TBC1D22A: variants seen among roughly 807,000 people sequenced by gnomAD.
The protein encoded by TBC1D22A is putative GTPase activator.
TBC1D22A carries 38 observed loss-of-function variants against 60.2 expected under a neutral mutation model. That is an observed-to-expected ratio of 0.63 (90% confidence interval 0.49 to 0.83). The LOEUF (loss-of-function observed/expected upper bound fraction) is 0.83, where lower values mean the gene tolerates loss of function less well. Among genes scored for constraint, TBC1D22A ranks in the 40% least tolerant of loss-of-function variants. TBC1D22A has a pLI of 0.00. For missense variants in TBC1D22A, 628 were observed against 701.0 expected (o/e 0.90, Z 1.18); for synonymous variants, 302 against 281.7 (o/e 1.07, Z -0.72).
At chr22:47,169,574 GCCTTTACAAAGGGC>G (rs573728239) in intron 12 of TBC1D22A, among the ~76,000 whole-genome samples, 1 of 152,332 alleles carries the variant, frequency 6.6e-6, no homozygotes, top group Non-Finnish European at 1.5e-5. Flanking sequence ...AGACCCCACA[GCCTTTACAAAGGGC>G]CCTTGCAGAC....
intron 8 of TBC1D22A, among the ~76,000 whole-genome samples, chr22:46,953,119 T>G (rs191506478): frequency 3.3e-4 from 50 of 150,780 alleles, no homozygotes; most frequent in Non-Finnish European, 6.2e-4. Context: ...TGTTCAGAAA[T>G]TATTTGGAAT....
At chr22:47,088,331 C>T (rs1262240586) in intron 11 of TBC1D22A, among the ~76,000 whole-genome samples, 2 of 152,062 alleles carry the variant, frequency 1.3e-5, no homozygotes, top group Non-Finnish European at 2.9e-5. Context: ...TCTAGTCGTA[C>T]AGAAAGCAAG....
At chr22:47,064,533 A>G (rs572179270) in intron 11 of TBC1D22A, among the ~76,000 whole-genome samples, 1 of 152,348 alleles carries the variant, frequency 6.6e-6, no homozygotes, top group African/African-American at 2.4e-5. Flanking sequence ...TCCTTTTCTT[A>G]CTGCTGCGAA....
intron 12 of TBC1D22A, among the ~76,000 whole-genome samples, chr22:47,143,481 G>A (rs1479726367): frequency 6.6e-6 from 1 of 152,242 alleles, no homozygotes; most frequent in African/African-American, 2.4e-5. Flanking sequence ...GAATAAGTGT[G>A]AGTTTAGAAT....
At chr22:47,099,822 C>T (rs1445591247) in intron 11 of TBC1D22A, among the ~76,000 whole-genome samples, 1 of 152,208 alleles carries the variant, frequency 6.6e-6, no homozygotes, top group African/African-American at 2.4e-5. Flanking sequence ...TGTTCCACAC[C>T]ACCCTCCAGG....
intron 7 of TBC1D22A, among the ~76,000 whole-genome samples, chr22:46,904,912 C>T (rs375892828): frequency 4.0e-5 from 6 of 150,588 alleles, no homozygotes; most frequent in African/African-American, 1.5e-4. Flanking sequence ...GTAGCTGGGA[C>T]TACAGGCGCC....
chr22:46,950,630 T>A (rs1383345525), intron 8 of TBC1D22A, among the ~76,000 whole-genome samples: 1 of 152,180 alleles, frequency 6.6e-6, no homozygotes, highest in African/African-American at 2.4e-5. Flanking sequence ...GACATGGCGA[T>A]GTCTCATCAG....
intron 4 of TBC1D22A, among the ~76,000 whole-genome samples, chr22:46,819,207 A>G (rs1192338164): frequency 6.6e-6 from 1 of 152,104 alleles, no homozygotes; most frequent in East Asian, 1.9e-4. Context: ...CTCTCTTCCT[A>G]TTTGAATACC....
At chr22:47,087,700 C>A (rs185007991) in intron 11 of TBC1D22A, among the ~76,000 whole-genome samples, 3 of 152,036 alleles carry the variant, frequency 2.0e-5, no homozygotes, top group African/African-American at 7.3e-5. Context: ...AGAGGAACCA[C>A]AAATTCTAAC....
intron 8 of TBC1D22A, among the ~76,000 whole-genome samples, chr22:46,941,219 ACACACACACACACACACAGT>A (rs899974807): frequency 6.0e-5 from 8 of 134,078 alleles, no homozygotes; most frequent in African/African-American, 2.0e-4. Flanking sequence ...ACACACACAC[ACACACACACACACACACAGT>A]CCACCCTTGA....
At chr22:46,860,595 A>C (rs1468941744) in intron 4 of TBC1D22A, among the ~76,000 whole-genome samples, 15 of 131,504 alleles carry the variant, frequency 1.1e-4, no homozygotes, top group Admixed American at 2.3e-4. Context: ...CCTTCCCGGG[A>C]CCAGAATCCT....
chr22:47,137,946 G>T (rs1031320687), intron 12 of TBC1D22A, among the ~76,000 whole-genome samples: 27 of 152,128 alleles, frequency 1.8e-4, no homozygotes, highest in African/African-American at 5.3e-4. Context: ...CCTCTTCAGG[G>T]CTCAGCATCT....
At chr22:47,012,399 A>C (rs1369939489) in intron 10 of TBC1D22A, among the ~76,000 whole-genome samples, 1 of 152,124 alleles carries the variant, frequency 6.6e-6, no homozygotes, top group Non-Finnish European at 1.5e-5. Context: ...CCCGTCCTGA[A>C]CCTGCCAGGC....
intron 10 of TBC1D22A, among the ~76,000 whole-genome samples, chr22:47,036,414 C>T (rs886733440): frequency 3.9e-5 from 6 of 152,206 alleles, no homozygotes. Flanking sequence ...GGCTGCAAAG[C>T]TGCCGCCCAC....
At chr22:46,874,130 C>T (rs989839215) in intron 4 of TBC1D22A, among the ~76,000 whole-genome samples, 1 of 152,072 alleles carries the variant, frequency 6.6e-6, no homozygotes, top group Non-Finnish European at 1.5e-5. Flanking sequence ...CTTTTTATGG[C>T]TGCATAGTAT....
intron 4 of TBC1D22A, among the ~76,000 whole-genome samples, chr22:46,850,354 G>A (rs918280563): frequency 1.3e-5 from 2 of 152,168 alleles, no homozygotes; most frequent in Admixed American, 1.3e-4. Context: ...GCGCATGTGT[G>A]CATTAGAAAT....
At chr22:46,904,115 CTATCTATCTAT>C (rs2069225393) in intron 7 of TBC1D22A, among the ~76,000 whole-genome samples, 3 of 74,558 alleles carry the variant, frequency 4.0e-5, no homozygotes, top group African/African-American at 1.7e-4. Context: ...ATCTATCTAT[CTATCTATCTAT>C]CTATCTATCT....
At chr22:47,124,965 G>A (rs757188788) in intron 12 of TBC1D22A, among the ~76,000 whole-genome samples, 18 of 152,096 alleles carry the variant, frequency 1.2e-4, no homozygotes, top group Non-Finnish European at 2.2e-4. Flanking sequence ...CTGAAGGAGC[G>A]TGGGTGGGAC....
At position 46,797,573 on chromosome 22, in the gene TBC1D22A, G is replaced by T; in HGVS notation, c.590G>T (p.Arg197Leu). ...SSALSEREAS[R>L]LDKFKQLLAG... ...GCGCTGAGCGAAAGAGAGGCCTCCC[G>T]GCTCGACAAGTTCAAGCAGCTGCTT... is the stretch of plus-strand genomic sequence containing the variant. Residue 197 changes from arginine (R) to leucine (L), a missense_variant, in exon 4 of 13, where the codon CGG (arginine) becomes CTG (leucine). Coordinates refer to ENST00000337137, the MANE Select transcript of TBC1D22A (RefSeq NM_014346.5). 1.9e-6 allele frequency: 3 copies of T among 1,613,016 alleles called. No individual in the cohort carries two copies. Among genetic ancestry groups the T allele is most frequent in the Non-Finnish European group, 2.5e-6 (3 of 1,179,292 alleles).
Sources: gnomAD v4.1 joint callset for allele counts (sites outside exome capture counted in the v4.1 genomes callset) on GRCh38, gnomAD v4.1.1 for gene constraint, MANE v1.5 for transcripts, NCBI Gene and HGNC (gene_info 2026-07-23, HGNC 2026-07-21) for gene names.